The following NBAS variants were observed in gnomAD, a reference collection of about 807,000 sequenced individuals.
NBAS encodes NAG/BC035112 fusion.
NBAS carries 219 observed loss-of-function variants against 302.5 expected under a neutral mutation model. The ratio of observed to expected loss-of-function variants is 0.72; its 90% confidence interval spans 0.65 to 0.81. The LOEUF is 0.81. Ranked by LOEUF, NBAS falls within the 30% of genes least tolerant of loss-of-function variation. The probability of loss-of-function intolerance (pLI) is 0.00; values close to 1 mark genes in which losing one functional copy is unlikely to be tolerated. For synonymous variants in NBAS, 1,118 were observed against 1,021.6 expected (o/e 1.09, Z -1.80); for missense variants, 2,932 against 2,841.6 (o/e 1.03, Z -0.72).
chr2:14,797,256 C>G, the NBAS span, among the ~76,000 whole-genome samples: 26 of 152,178 alleles, frequency 1.7e-4, 1 homozygote, highest in Non-Finnish European at 1.5e-5. Flanking sequence ...TCTTCTCTGC[C>G]CTGCTCGCCC....
At chr2:15,106,842 A>C in the NBAS span, among the ~76,000 whole-genome samples, 1 of 152,082 alleles carries the variant, frequency 6.6e-6, no homozygotes, top group Non-Finnish European at 1.5e-5. Context: ...GTGTGATATT[A>C]ATCCAGTTAC....
At chr2:15,369,566 T>A (rs1290335651) in intron 31 of NBAS, among the ~76,000 whole-genome samples, 1 of 152,216 alleles carries the variant, frequency 6.6e-6, no homozygotes, top group African/African-American at 2.4e-5. Flanking sequence ...CAGTTCCCTT[T>A]TTCTGCTGAT....
At chr2:14,971,236 G>A in the NBAS span, among the ~76,000 whole-genome samples, 1 of 152,146 alleles carries the variant, frequency 6.6e-6, no homozygotes, top group Non-Finnish European at 1.5e-5. Flanking sequence ...AAAACTGCCA[G>A]CCGGACACAG....
At chr2:14,960,563 T>C in the NBAS span, among the ~76,000 whole-genome samples, 1 of 152,226 alleles carries the variant, frequency 6.6e-6, no homozygotes, top group Non-Finnish European at 1.5e-5. Context: ...AGAGTGTGTG[T>C]GAAGAAGTCT....
the NBAS span, among the ~76,000 whole-genome samples, chr2:14,862,000 G>A: frequency 6.6e-6 from 1 of 152,224 alleles, no homozygotes; most frequent in Admixed American, 6.5e-5. Flanking sequence ...CTGGAGCCAA[G>A]GGTCAGTGAT....
intron 47 of NBAS, among the ~76,000 whole-genome samples, chr2:15,226,672 A>G (rs1667164240): frequency 6.6e-6 from 1 of 152,230 alleles, no homozygotes; most frequent in South Asian, 2.1e-4. Flanking sequence ...CTGAAAAGAA[A>G]GCCATCTGTA....
At chr2:15,031,756 G>T in the NBAS span, among the ~76,000 whole-genome samples, 1 of 152,330 alleles carries the variant, frequency 6.6e-6, no homozygotes, top group African/African-American at 2.4e-5. Context: ...CAACACTGTT[G>T]CATGAAGACA....
At chr2:14,885,747 G>A in the NBAS span, among the ~76,000 whole-genome samples, 1 of 152,076 alleles carries the variant, frequency 6.6e-6, no homozygotes. Context: ...GGCCTACGAG[G>A]TAGTAGGGCA....
At chr2:15,178,670 G>A (rs1369996415) in intron 51 of NBAS, among the ~76,000 whole-genome samples, 1 of 152,202 alleles carries the variant, frequency 6.6e-6, no homozygotes, top group African/African-American at 2.4e-5. Context: ...GTAGCAAGAG[G>A]ACTGCTAGTT....
At chr2:15,213,436 C>T (rs182930330) in intron 48 of NBAS, among the ~76,000 whole-genome samples, 44 of 152,276 alleles carry the variant, frequency 2.9e-4, no homozygotes, top group Admixed American at 9.2e-4. Context: ...CTGTCAAACC[C>T]CTGATTTCTC....
chr2:14,868,428 G>A, the NBAS span, among the ~76,000 whole-genome samples: 1 of 152,054 alleles, frequency 6.6e-6, no homozygotes, highest in Non-Finnish European at 1.5e-5. Flanking sequence ...ATCTACATGT[G>A]GTTTACCAAT....
chr2:15,413,607 G>A (rs1676786537), intron 25 of NBAS, among the ~76,000 whole-genome samples: 1 of 152,152 alleles, frequency 6.6e-6, no homozygotes, highest in Non-Finnish European at 1.5e-5. Context: ...GACAGCGGAG[G>A]AGTTAAGTTC....
chr2:14,919,715 T>G, the NBAS span, among the ~76,000 whole-genome samples: 1 of 152,352 alleles, frequency 6.6e-6, no homozygotes, highest in Non-Finnish European at 1.5e-5. Context: ...AGATTCCATT[T>G]CAAGAAACAA....
intron 47 of NBAS, among the ~76,000 whole-genome samples, chr2:15,223,058 C>T (rs888234933): frequency 6.6e-6 from 1 of 152,176 alleles, no homozygotes; most frequent in Non-Finnish European, 1.5e-5. Flanking sequence ...ATGTGCTTCA[C>T]TATTACTGGT....
chr2:14,885,227 T>C, the NBAS span, among the ~76,000 whole-genome samples: 13,945 of 152,156 alleles, frequency 0.092, 1,021 homozygotes, highest in African/African-American at 0.2. Context: ...GAAGAGATAA[T>C]GGTAGCTCGG....
chr2:14,901,344 G>A, the NBAS span, among the ~76,000 whole-genome samples: 1 of 151,904 alleles, frequency 6.6e-6, no homozygotes, highest in Non-Finnish European at 1.5e-5. Flanking sequence ...AAAATTATAA[G>A]TTTAAAGGAG....
chr2:15,042,273 T>A, the NBAS span, among the ~76,000 whole-genome samples: 3 of 152,194 alleles, frequency 2.0e-5, no homozygotes, highest in Admixed American at 6.5e-5. Context: ...TCAAGGGTAG[T>A]TTGAACCCCA....
chr2:15,227,283 A>G (rs556556983), intron 47 of NBAS, among the ~76,000 whole-genome samples: 24 of 152,304 alleles, frequency 1.6e-4, no homozygotes, highest in Middle Eastern at 3.4e-3. Flanking sequence ...AATACCTAAT[A>G]ATATACTTAA....
At chr2:14,792,023 C>T in the NBAS span, among the ~76,000 whole-genome samples, 5 of 151,868 alleles carry the variant, frequency 3.3e-5, no homozygotes, top group Non-Finnish European at 5.9e-5. Flanking sequence ...GGGAACCTAC[C>T]ACATCTCTCC....
Sources: gnomAD v4.1 joint callset for allele counts (sites outside exome capture counted in the v4.1 genomes callset) on GRCh38, gnomAD v4.1.1 for gene constraint, MANE v1.5 for transcripts, NCBI Gene and HGNC (gene_info 2026-07-23, HGNC 2026-07-21) for gene names.